The following CCL28 variants were observed in gnomAD, a reference collection of about 807,000 sequenced individuals.
The protein encoded by CCL28 is C-C motif chemokine 28.
In CCL28, 4 loss-of-function variants were observed where a neutral mutation model predicts 7.1. That is an observed-to-expected ratio of 0.56 (90% CI 0.28 to 1.29). CCL28 has a LOEUF of 1.29. CCL28 is among the 50% of genes most tolerant of loss of function. The pLI is 0.11. For missense variants in CCL28, 151 were observed against 163.4 expected (o/e 0.92, Z 0.41); for synonymous variants, 55 against 57.8 (o/e 0.95, Z 0.22).
intron 2 of CCL28, among the ~76,000 whole-genome samples, chr5:43,384,825 C>G (rs1363865631): frequency 6.6e-6 from 1 of 152,066 alleles, no homozygotes; most frequent in Non-Finnish European, 1.5e-5. Context: ...CCAGATAATT[C>G]TATTTAAAAA....
intron 2 of CCL28, among the ~76,000 whole-genome samples, chr5:43,387,129 A>C (rs1413673651): frequency 1.3e-5 from 2 of 152,236 alleles, no homozygotes; most frequent in Non-Finnish European, 2.9e-5. Flanking sequence ...CCAGCATGCC[A>C]GGGAGATGCC....
At chr5:43,386,449 C>T (rs752102009) in intron 2 of CCL28, among the ~76,000 whole-genome samples, 1 of 152,292 alleles carries the variant, frequency 6.6e-6, no homozygotes, top group African/African-American at 2.4e-5. Context: ...AATGGAGCCA[C>T]GTGGTGGCTT....
intron 2 of CCL28, among the ~76,000 whole-genome samples, chr5:43,387,729 G>C (rs952870919): frequency 4.6e-5 from 7 of 152,118 alleles, no homozygotes; most frequent in African/African-American, 1.4e-4. Flanking sequence ...TGGGCTCAAC[G>C]ATCCTCCCAT....
At chr5:43,373,452 C>T (rs559129853), downstream of CCL28, among the ~76,000 whole-genome samples, 571 of 152,204 alleles carry the variant, frequency 3.8e-3, 7 homozygotes, top group African/African-American at 0.013. Context: ...AGGCATGTGC[C>T]ACCACGCCCG....
downstream of CCL28, among the ~76,000 whole-genome samples, chr5:43,375,690 A>G (rs148797454): frequency 8.0e-3 from 1,225 of 152,250 alleles, 20 homozygotes; most frequent in African/African-American, 0.027. Context: ...CAAGAATAGT[A>G]GGCTATATAA....
At chr5:43,370,836 G>A in the CCL28 span, among the ~76,000 whole-genome samples, 5 of 151,432 alleles carry the variant, frequency 3.3e-5, no homozygotes, top group South Asian at 1.0e-3. Context: ...CTGACTCCTG[G>A]GTTCAAGCTA....
chr5:43,368,657 G>T, the CCL28 span, among the ~76,000 whole-genome samples: 8 of 152,124 alleles, frequency 5.3e-5, no homozygotes, highest in Admixed American at 1.3e-4. Context: ...GCTAAAATAA[G>T]GTCATTAGGG....
At chr5:43,361,596 T>G in the CCL28 span, among the ~76,000 whole-genome samples, 1 of 152,214 alleles carries the variant, frequency 6.6e-6, no homozygotes, top group Non-Finnish European at 1.5e-5. Context: ...CTGCCTAGGT[T>G]GTCTTCCATG....
chr5:43,375,153 C>T (rs190940292), downstream of CCL28, among the ~76,000 whole-genome samples: 73 of 151,812 alleles, frequency 4.8e-4, no homozygotes, highest in African/African-American at 1.7e-3. Context: ...CCATGCTCAG[C>T]TAATTTTTTG....
Position 43,381,842 on chromosome 5 carries a change from G to A in CCL28, c.*18C>T. 6.3e-7 allele frequency: 1 copy of A among 1,590,018 alleles called. No individual in the cohort carries two copies. The highest frequency in any genetic ancestry group is 1.7e-5 in the Admixed American group (1 of 58,172). On this transcript the variant is annotated 3_prime_UTR_variant, in exon 3 of 3. Coordinates refer to ENST00000361115, the MANE Select transcript of CCL28 (RefSeq NM_148672.3). ...GTCCACTTGAGGAATTGTCTCTGTAGATTTATCTGTAGACTCTCTAATAAG... is the reference window on the plus strand; with the variant it reads ...GTCCACTTGAGGAATTGTCTCTGTAAATTTATCTGTAGACTCTCTAATAAG...
At chr5:43,365,890 C>T in the CCL28 span, among the ~76,000 whole-genome samples, 57 of 152,256 alleles carry the variant, frequency 3.7e-4, 1 homozygote, top group Admixed American at 1.4e-3. Context: ...CTTGTCTTCA[C>T]GCTTTATTTC....
intron 1 of CCL28, among the ~76,000 whole-genome samples, chr5:43,403,229 C>A (rs1730067268): frequency 6.6e-6 from 1 of 152,218 alleles, no homozygotes. Flanking sequence ...GGGTCCCTGA[C>A]CCCTGAGTAG....
downstream of CCL28, among the ~76,000 whole-genome samples, chr5:43,375,686 T>G (rs926804403): frequency 5.9e-5 from 9 of 152,108 alleles, no homozygotes; most frequent in Admixed American, 5.9e-4. Context: ...AAGGCAAGAA[T>G]AGTAGGCTAT....
chr5:43,398,264 G>A (rs1740897097), intron 1 of CCL28, among the ~76,000 whole-genome samples: 1 of 151,936 alleles, frequency 6.6e-6, no homozygotes, highest in African/African-American at 2.4e-5. Flanking sequence ...CACCCAAGCT[G>A]GAGTGCTGGA....
chr5:43,370,169 C>T, the CCL28 span, among the ~76,000 whole-genome samples: 1 of 152,138 alleles, frequency 6.6e-6, no homozygotes, highest in Non-Finnish European at 1.5e-5. Context: ...CCCAGCTAAC[C>T]CAGAAAATTT....
At chr5:43,392,559 A>G (rs1460271375) in intron 1 of CCL28, among the ~76,000 whole-genome samples, 1 of 152,232 alleles carries the variant, frequency 6.6e-6, no homozygotes, top group Non-Finnish European at 1.5e-5. Flanking sequence ...ACTATATTTC[A>G]TACCAGCAAA....
chr5:43,389,980 C>T (rs1302317074), intron 1 of CCL28, among the ~76,000 whole-genome samples: 1 of 152,188 alleles, frequency 6.6e-6, no homozygotes, highest in Non-Finnish European at 1.5e-5. Context: ...AGCCTCCTGT[C>T]AGAATAGTTC....
In CCL28 at chr5:43,380,070, G is replaced by T. The variant is rs1561152862; in HGVS notation, c.*1790C>A. On this transcript the variant is annotated 3_prime_UTR_variant, in exon 3 of 3. Coordinates refer to ENST00000361115, the MANE Select transcript of CCL28 (RefSeq NM_148672.3). ...CGGGAGGCGGAGGTTGCAATGAGCCGAGATTGTGCCACTGCACTCCAGCCT... is the reference window on the plus strand; with the variant it reads ...CGGGAGGCGGAGGTTGCAATGAGCCTAGATTGTGCCACTGCACTCCAGCCT... 2 of 152,092 alleles carry T rather than the reference G, an allele frequency of 1.3e-5. No individual in the cohort carries two copies. Among genetic ancestry groups the T allele is most frequent in the Non-Finnish European group, 2.9e-5 (2 of 68,066 alleles). The allele number at this position is 152,092 out of a possible 1,614,324, so 9.4% of individuals were successfully genotyped here. A position where few individuals can be genotyped will look rare whatever the true frequency, so the allele number is the denominator to read the frequency against.
chr5:43,403,070 C>G (rs988841374), intron 1 of CCL28, among the ~76,000 whole-genome samples: 1 of 152,240 alleles, frequency 6.6e-6, no homozygotes, highest in Non-Finnish European at 1.5e-5. Flanking sequence ...CCTCTGTAGA[C>G]TCCACCTCTG....
Sources: allele counts gnomAD v4.1 joint callset (sites outside exome capture counted in the v4.1 genomes callset), GRCh38; gene constraint gnomAD v4.1.1; transcripts MANE v1.5; gene names NCBI Gene and HGNC (gene_info 2026-07-23, HGNC 2026-07-21).